The following SCN9A variants were observed in gnomAD, a reference collection of about 807,000 sequenced individuals.
SCN9A encodes sodium channel protein type 9 subunit alpha.
Under a neutral mutation model 187.0 loss-of-function variants are expected in SCN9A, and 131 were observed. The observed-to-expected ratio is 0.70, with a 90% CI of 0.61 to 0.81. The LOEUF (loss-of-function observed/expected upper bound fraction) is 0.81, where lower values mean the gene tolerates loss of function less well. Ranked by LOEUF, SCN9A falls within the 30% of genes least tolerant of loss-of-function variation. The pLI is 0.00. For synonymous variants in SCN9A, 809 were observed against 808.6 expected, an observed-to-expected ratio of 1.00 and a Z score of -0.01; for missense variants, 2,252 against 2,396.6, an observed-to-expected ratio of 0.94 and a Z score of 1.26.
intron 1 of SCN9A, among the ~76,000 whole-genome samples, chr2:166,342,736 A>G (rs1458857594): frequency 6.6e-6 from 1 of 152,182 alleles, no homozygotes; most frequent in Non-Finnish European, 1.5e-5. Flanking sequence ...ACTATTTTTT[A>G]TTTTATCATT....
chr2:166,215,801 G>A (rs932359154), intron 24 of SCN9A, among the ~76,000 whole-genome samples: 1 of 142,898 alleles, frequency 7.0e-6, no homozygotes, highest in Admixed American at 6.9e-5. Flanking sequence ...AAAGGAAAAG[G>A]TCACTGGTGA....
Position 166,299,775 on chromosome 2 carries a change from T to C in SCN9A, c.901+3315A>G, listed in dbSNP as rs1430157459. Among the ~76,000 whole-genome samples, 5 of 150,892 alleles carry C rather than the reference T, an allele frequency of 3.3e-5. 1 individual carries two copies. The highest frequency in any genetic ancestry group is 5.0e-5 in the African/African-American group (2 of 40,238). On this transcript the variant is annotated intron_variant, in intron 7 of 26. Coordinates refer to ENST00000642356, the MANE Select transcript of SCN9A (RefSeq NM_001365536.1). ...CTGATTTCTATACTTAAATCTCCAA[T>C]TCTCTATATTATATATCCACCTGGA...
chr2:166,275,596 A>T (rs67895655), intron 16 of SCN9A, among the ~76,000 whole-genome samples: 135 of 150,184 alleles, frequency 9.0e-4, no homozygotes, highest in African/African-American at 8.9e-4. Flanking sequence ...AAAAAAAAAA[A>T]ATACACAAGC....
chr2:166,226,726 G>A (rs1445636145), intron 23 of SCN9A, 22 bp from the exon 24 acceptor site: 11 of 1,523,474 alleles, frequency 7.2e-6, no homozygotes, highest in Non-Finnish European at 9.7e-6. Flanking sequence ...ACAAAAGTTA[G>A]CATTATATGG....
intron 17 of SCN9A, among the ~76,000 whole-genome samples, chr2:166,253,284 A>C (rs565311849): frequency 4.6e-5 from 7 of 151,964 alleles, no homozygotes; most frequent in Non-Finnish European, 5.9e-5. Context: ...TGAACAACCT[A>C]TTAAGAGAAC....
rs2106395468 is a variant in SCN9A at position 166,233,323 on chromosome 2, G to A, written c.3924+17C>T. On this transcript the variant is annotated intron_variant, in intron 21 of 26. Coordinates refer to ENST00000642356, the MANE Select transcript of SCN9A (RefSeq NM_001365536.1). ...CATTAAAAAATAAGAACATTATAAA[G>A]TTTAGTATTTTCTTACCCTCATTCC... The A allele has an allele frequency of 6.7e-7, 1 of 1,489,554 alleles. No individual in the cohort carries two copies. The highest frequency in any genetic ancestry group is 8.9e-7 in the Non-Finnish European group (1 of 1,120,716). The allele number at this position is 1,489,554 out of a possible 1,614,324, so 92.3% of individuals were successfully genotyped here. A position where few individuals can be genotyped will look rare whatever the true frequency, so the allele number is the denominator to read the frequency against.
intron 24 of SCN9A, among the ~76,000 whole-genome samples, chr2:166,207,673 T>G (rs942332725): frequency 6.6e-6 from 1 of 152,186 alleles, no homozygotes; most frequent in African/African-American, 2.4e-5. Context: ...ACTCCTGGCC[T>G]CAAGTGATCT....
At chr2:166,305,690 C>T in intron 5 of SCN9A, 102 bp downstream of exon 5, 1 of 1,463,450 alleles carries the variant, frequency 6.8e-7, no homozygotes, top group Non-Finnish European at 9.4e-7. Context: ...TACAGACATT[C>T]CATGCTGGAA....
intron 17 of SCN9A, among the ~76,000 whole-genome samples, chr2:166,269,730 T>G (rs913040725): frequency 2.0e-5 from 3 of 152,002 alleles, no homozygotes; most frequent in African/African-American, 7.2e-5. Flanking sequence ...GCTAAGGAGA[T>G]CCATGAAAGG....
intron 1 of SCN9A, among the ~76,000 whole-genome samples, chr2:166,317,566 CTCTT>C (rs1171087972): frequency 6.6e-6 from 1 of 152,124 alleles, no homozygotes; most frequent in Non-Finnish European, 1.5e-5. Flanking sequence ...TTATTCTGAA[CTCTT>C]TCTTATTTTC....
chr2:166,251,290 C>A (rs1696025059), intron 18 of SCN9A, among the ~76,000 whole-genome samples: 1 of 152,006 alleles, frequency 6.6e-6, no homozygotes, highest in African/African-American at 2.4e-5. Context: ...GAGAGAGGAA[C>A]TCAGAACTCT....
intron 1 of SCN9A, among the ~76,000 whole-genome samples, chr2:166,331,281 A>G (rs973357775): frequency 1.3e-5 from 2 of 152,134 alleles, no homozygotes; most frequent in African/African-American, 4.8e-5. Flanking sequence ...ACAACTGAGT[A>G]TAGTGTGTGT....
chr2:166,216,105 T>C (rs1694319432), intron 24 of SCN9A, among the ~76,000 whole-genome samples: 1 of 152,102 alleles, frequency 6.6e-6, no homozygotes, highest in South Asian at 2.1e-4. Flanking sequence ...ATAAATGTGA[T>C]ATGCTACATT....
At chr2:166,208,150 T>C (rs549561341) in intron 24 of SCN9A, among the ~76,000 whole-genome samples, 43 of 152,310 alleles carry the variant, frequency 2.8e-4, no homozygotes, top group African/African-American at 1.0e-3. Flanking sequence ...AAAACCTAGG[T>C]GGAAGGAATT....
intron 10 of SCN9A, among the ~76,000 whole-genome samples, chr2:166,287,167 C>T (rs1242592249): frequency 2.0e-5 from 3 of 151,936 alleles, no homozygotes; most frequent in African/African-American, 4.8e-5. Flanking sequence ...TATCCCTTTA[C>T]AAAATGTTTT....
intron 1 of SCN9A, among the ~76,000 whole-genome samples, chr2:166,346,254 G>C (rs1023360869): frequency 3.9e-5 from 6 of 152,112 alleles, no homozygotes; most frequent in African/African-American, 1.2e-4. Flanking sequence ...CATCACAAAA[G>C]TCTTCTCATT....
chr2:166,211,389 CT>C (rs1253402000), intron 24 of SCN9A, among the ~76,000 whole-genome samples: 1 of 152,010 alleles, frequency 6.6e-6, no homozygotes. Context: ...ATAGGAAATG[CT>C]AAAGTGAGTT....
intron 2 of SCN9A, among the ~76,000 whole-genome samples, 196 bp downstream of exon 2, chr2:166,311,303 T>A (rs1698935807): frequency 8.8e-6 from 1 of 113,350 alleles, no homozygotes; most frequent in Non-Finnish European, 1.8e-5. Flanking sequence ...CAATGAAAAA[T>A]TTGAAAAAGT....
chr2:166,252,981 CT>C (rs1322931472), intron 17 of SCN9A, among the ~76,000 whole-genome samples: 1 of 151,770 alleles, frequency 6.6e-6, no homozygotes, highest in East Asian at 1.9e-4. Flanking sequence ...ACAACTTTAT[CT>C]TTTTTAGAGT....
Sources: allele counts gnomAD v4.1 joint callset (sites outside exome capture counted in the v4.1 genomes callset), GRCh38; gene constraint gnomAD v4.1.1; transcripts MANE v1.5; gene names NCBI Gene and HGNC (gene_info 2026-07-23, HGNC 2026-07-21).